GLIS3: variants seen among roughly 807,000 people sequenced by gnomAD.
GLIS3 encodes the protein zinc finger protein GLIS3.
GLIS3 carries 53 observed loss-of-function variants against 78.6 expected under a neutral mutation model. The ratio of observed to expected loss-of-function variants is 0.67; its 90% CI spans 0.54 to 0.85. The LOEUF is 0.85. GLIS3 is among the 40% of genes least tolerant of loss of function. The pLI is 0.00. For missense variants in GLIS3, 1,703 were observed against 1,231.1 expected, an observed-to-expected ratio of 1.38 and a Z score of -5.74; for synonymous variants, 684 against 509.9, an observed-to-expected ratio of 1.34 and a Z score of -4.60.
chr9:4,186,212 T>C (rs4316195), intron 2 of GLIS3, among the ~76,000 whole-genome samples: 85,266 of 146,216 alleles, frequency 0.58, 24,946 homozygotes, highest in Middle Eastern at 0.66. Flanking sequence ...CGTGTTCTCA[T>C]TGTTCAATTC....
At chr9:4,321,104 A>C (rs934964998) in intron 2 of GLIS3, among the ~76,000 whole-genome samples, 9 of 147,188 alleles carry the variant, frequency 6.1e-5, no homozygotes, top group Non-Finnish European at 1.3e-4. Context: ...AGTCCCCAAT[A>C]CTCAGCATGG....
chr9:3,898,161 C>T, intron 7 of GLIS3: 1 of 170,254 alleles, frequency 5.9e-6, no homozygotes, highest in East Asian at 1.5e-4. Flanking sequence ...ATATAGTCAC[C>T]TATTATTCAA....
At chr9:3,865,999 TC>T (rs1820550759) in intron 8 of GLIS3, among the ~76,000 whole-genome samples, 1 of 152,230 alleles carries the variant, frequency 6.6e-6, no homozygotes, top group Non-Finnish European at 1.5e-5. Context: ...CGTCAGTGTC[TC>T]CTGTCTTCCC....
At chr9:4,131,225 C>T (rs1010978762) in intron 2 of GLIS3, among the ~76,000 whole-genome samples, 1 of 152,180 alleles carries the variant, frequency 6.6e-6, no homozygotes, top group African/African-American at 2.4e-5. Flanking sequence ...AAGCACTAGC[C>T]TTGTCTCAGA....
At chr9:4,467,064 G>C in the GLIS3 span, among the ~76,000 whole-genome samples, 7 of 152,230 alleles carry the variant, frequency 4.6e-5, no homozygotes, top group African/African-American at 1.7e-4. Context: ...TGAACTGCAA[G>C]GTGGCAGCGA....
intron 9 of GLIS3, among the ~76,000 whole-genome samples, chr9:3,831,311 C>G (rs986269304): frequency 4.6e-5 from 7 of 152,050 alleles, no homozygotes; most frequent in African/African-American, 1.7e-4. Context: ...GACAGGCAGG[C>G]AAAGAACCCA....
the GLIS3 span, among the ~76,000 whole-genome samples, chr9:4,372,843 T>G: frequency 6.6e-6 from 1 of 152,192 alleles, no homozygotes; most frequent in African/African-American, 2.4e-5. Flanking sequence ...CTCCTGCCAC[T>G]TTGGCAGGTA....
At chr9:4,161,760 C>T (rs1835498161) in intron 2 of GLIS3, among the ~76,000 whole-genome samples, 1 of 145,768 alleles carries the variant, frequency 6.9e-6, no homozygotes, top group Non-Finnish European at 1.5e-5. Flanking sequence ...CTCACTGTAG[C>T]CTCTGCCTCC....
intron 2 of GLIS3, among the ~76,000 whole-genome samples, chr9:4,232,447 A>C (rs983898527): frequency 1.5e-4 from 22 of 151,646 alleles, no homozygotes; most frequent in Non-Finnish European, 1.3e-4. Context: ...GAAGACACCT[A>C]CCTTTAGCAC....
chr9:3,958,864 A>G (rs1260368322), intron 4 of GLIS3, among the ~76,000 whole-genome samples: 1 of 152,264 alleles, frequency 6.6e-6, no homozygotes, highest in Non-Finnish European at 1.5e-5. Context: ...TAAAGCCCAG[A>G]GGTGGAAAAA....
chr9:4,385,461 C>T, the GLIS3 span, among the ~76,000 whole-genome samples: 1 of 151,948 alleles, frequency 6.6e-6, no homozygotes, highest in African/African-American at 2.4e-5. Flanking sequence ...GTCAGGAGTC[C>T]GAGACCAGCT....
intron 6 of GLIS3, among the ~76,000 whole-genome samples, chr9:3,926,187 ATACAGGAAGGT>A (rs1825216474): frequency 2.0e-5 from 3 of 151,722 alleles, no homozygotes; most frequent in Non-Finnish European, 2.9e-5. Flanking sequence ...TTAAAAGCTC[ATACAGGAAGGT>A]ACAGTATTGC....
intron 9 of GLIS3, among the ~76,000 whole-genome samples, chr9:3,848,466 C>A (rs916860041): frequency 1.3e-5 from 2 of 152,228 alleles, no homozygotes; most frequent in East Asian, 3.8e-4. Context: ...CGCCCCACTG[C>A]ACTCCAGCCT....
chr9:4,007,873 G>A (rs1455384237), intron 4 of GLIS3, among the ~76,000 whole-genome samples: 1 of 147,648 alleles, frequency 6.8e-6, no homozygotes, highest in Non-Finnish European at 1.5e-5. Flanking sequence ...ACCCATGGCA[G>A]GTCGGGCGGG....
At chr9:4,324,523 G>C (rs554816039) in intron 2 of GLIS3, among the ~76,000 whole-genome samples, 1 of 152,108 alleles carries the variant, frequency 6.6e-6, no homozygotes, top group South Asian at 2.1e-4. Context: ...GTTACATTAT[G>C]GTAGTTATTA....
At chr9:4,337,254 A>C (rs1374921446) in intron 2 of GLIS3, among the ~76,000 whole-genome samples, 1 of 152,218 alleles carries the variant, frequency 6.6e-6, no homozygotes, top group Admixed American at 6.5e-5. Flanking sequence ...AAAATACTTT[A>C]TCTACAAAGA....
the GLIS3 span, among the ~76,000 whole-genome samples, chr9:4,458,352 G>A: frequency 6.6e-6 from 1 of 152,202 alleles, no homozygotes; most frequent in African/African-American, 2.4e-5. Flanking sequence ...CTTGTGGTGT[G>A]GAGAGAGTCA....
At chr9:4,078,583 G>A (rs570146886) in intron 4 of GLIS3, among the ~76,000 whole-genome samples, 66 of 152,308 alleles carry the variant, frequency 4.3e-4, no homozygotes, top group Non-Finnish European at 6.9e-4. Flanking sequence ...AGATCGGGCC[G>A]CAAAAGGAAG....
At chr9:3,854,191 C>G (rs867701709) in intron 9 of GLIS3, among the ~76,000 whole-genome samples, 7 of 152,208 alleles carry the variant, frequency 4.6e-5, no homozygotes, top group African/African-American at 1.7e-4. Context: ...CTGGCAGGCC[C>G]TCCTCAGAGG....
Sources: allele counts gnomAD v4.1 joint callset (sites outside exome capture counted in the v4.1 genomes callset), GRCh38; gene constraint gnomAD v4.1.1; transcripts MANE v1.5; gene names NCBI Gene and HGNC (gene_info 2026-07-23, HGNC 2026-07-21).